The following NEDD4L variants were observed in gnomAD, a reference collection of about 807,000 sequenced individuals.
NEDD4L encodes E3 ubiquitin-protein ligase NEDD4-like.
A neutral mutation model predicts 148.9 loss-of-function variants in NEDD4L; 54 were observed. The observed-to-expected ratio is 0.36, with a 90% CI of 0.29 to 0.45. The LOEUF (loss-of-function observed/expected upper bound fraction) is 0.45, where lower values mean the gene tolerates loss of function less well. NEDD4L is among the 20% of genes least tolerant of loss of function. The pLI is 1.00. For missense variants in NEDD4L, 856 were observed against 1,233.8 expected (o/e 0.69, Z 4.59); for synonymous variants, 433 against 440.7 (o/e 0.98, Z 0.22).
In NEDD4L at chr18:58,174,472, C is replaced by T. The variant is rs1160678441; in HGVS notation, c.122+8611C>T. Among the ~76,000 whole-genome samples the T allele has an allele frequency of 2.0e-5, 3 of 152,094 alleles. No individual in the cohort carries two copies. The South Asian group carries it at 6.2e-4, about 32-fold the overall frequency. On this transcript the variant is annotated intron_variant, in intron 2 of 30. Coordinates refer to ENST00000400345, the MANE Select transcript of NEDD4L (RefSeq NM_001144967.3). ...GGGGACCCGCCCCTATCTGCCCAGG[C>T]GTTTGGCTGCTTCCTATCACTATCA...
intron 1 of NEDD4L, among the ~76,000 whole-genome samples, chr18:58,093,665 C>G (rs1463433535): frequency 1.3e-5 from 2 of 152,176 alleles, no homozygotes; most frequent in South Asian, 2.1e-4. Flanking sequence ...CTTATATTTG[C>G]TACGTGCTCA....
chr18:58,342,312 G>A (rs1324525264), intron 15 of NEDD4L, among the ~76,000 whole-genome samples: 1 of 152,126 alleles, frequency 6.6e-6, no homozygotes, highest in Non-Finnish European at 1.5e-5. Context: ...TTGTTTTGGT[G>A]CCATCCTTTA....
intron 5 of NEDD4L, among the ~76,000 whole-genome samples, chr18:58,306,359 CG>C (rs1270376490): frequency 6.6e-6 from 1 of 151,964 alleles, no homozygotes; most frequent in Non-Finnish European, 1.5e-5. Context: ...CAAGCTCATA[CG>C]TTACTCATTT....
chr18:58,180,019 G>A (rs902432594), intron 2 of NEDD4L, among the ~76,000 whole-genome samples: 23 of 152,082 alleles, frequency 1.5e-4, no homozygotes, highest in African/African-American at 1.9e-4. Flanking sequence ...CTCAAGCAGC[G>A]TCCATATCTG....
At chr18:58,378,472 G>A (rs928753038) in intron 24 of NEDD4L, among the ~76,000 whole-genome samples, 2 of 152,246 alleles carry the variant, frequency 1.3e-5, no homozygotes, top group Non-Finnish European at 2.9e-5. Flanking sequence ...GGAGCTGGAG[G>A]TGGCTCCCAG....
chr18:58,240,399 A>G (rs2046492496), intron 2 of NEDD4L, among the ~76,000 whole-genome samples: 1 of 152,204 alleles, frequency 6.6e-6, no homozygotes, highest in African/African-American at 2.4e-5. Flanking sequence ...GCACTAAATC[A>G]TTAGGATCCC....
At chr18:58,194,516 G>A (rs980531596) in intron 2 of NEDD4L, among the ~76,000 whole-genome samples, 1 of 152,138 alleles carries the variant, frequency 6.6e-6, no homozygotes, top group Non-Finnish European at 1.5e-5. Context: ...TCTTAAAAGG[G>A]GCCTGTTCTT....
intron 5 of NEDD4L, 29 bp downstream of exon 5, chr18:58,252,083 C>G (rs1242811243): frequency 2.7e-6 from 4 of 1,490,720 alleles, no homozygotes; most frequent in Non-Finnish European, 3.7e-6. Flanking sequence ...TTGAATTTTG[C>G]TTCATTTTTT....
intron 5 of NEDD4L, among the ~76,000 whole-genome samples, chr18:58,259,948 A>C (rs2049129746): frequency 6.6e-6 from 1 of 152,352 alleles, no homozygotes; most frequent in East Asian, 1.9e-4. Context: ...TCTCTTTTAC[A>C]GAAGATGTTT....
intron 5 of NEDD4L, among the ~76,000 whole-genome samples, chr18:58,271,244 C>A (rs887832078): frequency 5.3e-5 from 8 of 151,906 alleles, no homozygotes; most frequent in African/African-American, 1.9e-4. Context: ...ATGCCTTTAT[C>A]CCTTTAGGGT....
intron 26 of NEDD4L, 41 bp from the exon 27 acceptor site, chr18:58,387,398 A>G (rs779130861): frequency 4.7e-6 from 7 of 1,483,266 alleles, no homozygotes; most frequent in Non-Finnish European, 6.2e-6. Flanking sequence ...TTTTTTTTTG[A>G]AGGCAATAGG....
chr18:58,348,417 T>C (rs1290073529), intron 16 of NEDD4L, among the ~76,000 whole-genome samples: 1 of 143,532 alleles, frequency 7.0e-6, no homozygotes, highest in Non-Finnish European at 1.5e-5. Flanking sequence ...CTGCAACCTC[T>C]ACTTTCCGGG....
At chr18:58,133,529 T>C (rs950768372) in intron 1 of NEDD4L, among the ~76,000 whole-genome samples, 1 of 152,222 alleles carries the variant, frequency 6.6e-6, no homozygotes, top group Non-Finnish European at 1.5e-5. Flanking sequence ...ATTAATGAGT[T>C]TGTGGGTTTT....
Position 58,255,782 on chromosome 18 carries a change from G to A in NEDD4L, c.297+3728G>A, listed in dbSNP as rs1052305048. 31 of 1,232,544 alleles carry A rather than the reference G, an allele frequency of 2.5e-5. No homozygotes were observed. In the African/African-American group the frequency reaches 3.7e-4, roughly 15 times the overall value. The allele number at this position is 1,232,544 out of a possible 1,614,324, so 76.4% of individuals were successfully genotyped here. A position where few individuals can be genotyped will look rare whatever the true frequency, so the allele number is the denominator to read the frequency against. ...GCGGAGAAGCAGCCCGCACCCCTTC[G>A]CCCAGAACGGAGGGGAGGACGGCGG... is the stretch of plus-strand genomic sequence containing the variant. On this transcript the variant is annotated intron_variant, in intron 5 of 30. Coordinates refer to ENST00000400345, the MANE Select transcript of NEDD4L (RefSeq NM_001144967.3).
intron 1 of NEDD4L, chr18:58,045,026 C>T: frequency 4.9e-6 from 2 of 409,856 alleles, no homozygotes; most frequent in Admixed American, 4.4e-5. Flanking sequence ...CTCCAAGCAG[C>T]GTCTCCCGGG....
intron 2 of NEDD4L, among the ~76,000 whole-genome samples, chr18:58,167,471 AG>A (rs2037003425): frequency 2.0e-5 from 3 of 152,214 alleles, no homozygotes; most frequent in Non-Finnish European, 4.4e-5. Flanking sequence ...CTTTCCATGA[AG>A]CCTGTCAAGA....
intron 1 of NEDD4L, among the ~76,000 whole-genome samples, chr18:58,131,026 G>T (rs1252453760): frequency 7.4e-6 from 1 of 134,762 alleles, no homozygotes; most frequent in Non-Finnish European, 1.6e-5. Flanking sequence ...CAGTGGCGGT[G>T]TTGGGCTCTG....
At chr18:58,147,236 A>G (rs567017227) in intron 1 of NEDD4L, among the ~76,000 whole-genome samples, 12 of 152,146 alleles carry the variant, frequency 7.9e-5, no homozygotes, top group South Asian at 2.1e-4. Context: ...GGGTTTCCCA[A>G]TGCAGGCGGC....
At chr18:58,179,704 A>G (rs2038609846) in intron 2 of NEDD4L, among the ~76,000 whole-genome samples, 1 of 151,774 alleles carries the variant, frequency 6.6e-6, no homozygotes, top group Non-Finnish European at 1.5e-5. Context: ...ACTCCTTATG[A>G]GAATCTAACG....
Sources: allele counts gnomAD v4.1 joint callset (sites outside exome capture counted in the v4.1 genomes callset), GRCh38; gene constraint gnomAD v4.1.1; transcripts MANE v1.5; gene names NCBI Gene and HGNC (gene_info 2026-07-23, HGNC 2026-07-21).